Variants in DLGAP3 observed in about 807,000 individuals in gnomAD.
DLGAP3 encodes the protein DLG associated protein 3, also known as disks large-associated protein 3.
A neutral mutation model predicts 81.2 loss-of-function variants in DLGAP3; 17 were observed. The ratio of observed to expected loss-of-function variants is 0.21; its 90% CI spans 0.14 to 0.31. The LOEUF (loss-of-function observed/expected upper bound fraction) is 0.31, where lower values mean the gene tolerates loss of function less well. Among genes scored for constraint, DLGAP3 ranks in the 10% least tolerant of loss-of-function variants. The pLI is 1.00. For missense variants in DLGAP3, 1,124 were observed against 1,388.0 expected (o/e 0.81, Z 3.02); for synonymous variants, 577 against 587.4 (o/e 0.98, Z 0.26).
At position 34,895,652 on chromosome 1, in the gene DLGAP3, T is replaced by A. The variant is rs1440239668; in HGVS notation, c.1386+4017A>T. Among the ~76,000 whole-genome samples the A allele has an allele frequency of 6.6e-6, 1 of 152,124 alleles. No individual in the cohort carries two copies. The highest frequency in any genetic ancestry group is 1.5e-5 in the Non-Finnish European group (1 of 68,020). On this transcript the variant is annotated intron_variant, in intron 5 of 11. Transcript: ENST00000373347. The surrounding 1 kb of genome is among the most constrained non-coding windows in gnomAD (Gnocchi z 4.5). ...CTTTAAAAGGAGTAACAAAATTGTA[T>A]AATTTCAGCTTACCAAAATCAATCC... is the stretch of plus-strand genomic sequence containing the variant.
chr1:34,882,320 C>T (rs1639158270), intron 8 of DLGAP3, among the ~76,000 whole-genome samples: 1 of 151,996 alleles, frequency 6.6e-6, no homozygotes, highest in Admixed American at 6.5e-5. Flanking sequence ...CTACTGAAAA[C>T]ACAAAAAACT....
chr1:34,904,202 C>T lies in DLGAP3; in HGVS notation c.1107+75G>A, dbSNP rs566936205. ...CAGGGACAGCTGGCTCCCACCCAAC[C>T]CTTTCCACTGCTCCCTAGTTGACAA... On this transcript the variant is annotated intron_variant, in intron 3 of 11. Transcript: ENST00000373347. The surrounding 1 kb of genome is among the most constrained non-coding windows in gnomAD (Gnocchi z 8.1). 2 of 1,575,682 alleles carry T rather than the reference C, an allele frequency of 1.3e-6. No homozygotes were observed. The highest frequency in any genetic ancestry group is 2.7e-5 in the African/African-American group (2 of 74,620).
chr1:34,881,148 A>G (rs1639138050), intron 8 of DLGAP3, among the ~76,000 whole-genome samples: 1 of 152,246 alleles, frequency 6.6e-6, no homozygotes, highest in African/African-American at 2.4e-5. Context: ...TGATACATTC[A>G]TAAATCTAAA....
chr1:34,867,236 C>G lies in DLGAP3; in HGVS notation c.2578-45G>C. On this transcript the variant is annotated intron_variant, in intron 10 of 11. Transcript: ENST00000373347. This position sits in a 1 kb window ranked among gnomAD's most constrained non-coding sequence, Gnocchi z 4.3. ...AGGGAAAGTGATTGGTCAAGGAGGT[C>G]TGAGCCCCAGCCAGGACAAGAGAAA... 1 of 1,612,788 alleles carries G rather than the reference C, an allele frequency of 6.2e-7. No homozygotes were observed. Among genetic ancestry groups the G allele is most frequent in the South Asian group, 1.1e-5 (1 of 91,030 alleles).
rs763245559 is a variant in DLGAP3 at position 34,886,140 on chromosome 1, C to T, written c.1532G>A (p.Cys511Tyr). ...HSYLRAIQAG[C>Y]SQDDDCLPLL... ...GGGCAGGCAGTCGTCGTCTTGAGAG[C>T]AGCCGGCCTGGATGGCCCGGAGGTA... The change falls in exon 6 of 12, where the codon TGC becomes TAC. Residue 511 changes from cysteine (C) to tyrosine (Y), a missense_variant. This residue lies in a region of DLGAP3 where 11 missense variants were observed against 35.2 expected (regional missense o/e 0.31). Transcript: ENST00000373347. The T allele has an allele frequency of 6.2e-7, 1 of 1,608,480 alleles. No homozygotes were observed. The highest frequency in any genetic ancestry group is 2.2e-5 in the East Asian group (1 of 44,652).
Position 34,868,824 on chromosome 1 carries a change from G to C in DLGAP3, c.2266C>G (p.Pro756Ala). ...GGGGTGGGGGCGGGGGCAGGGCCGG[G>C]CGACCCATCGGTGGCCGGCGGCTCG... The part of the protein sequence containing the change: ...PYEPPATDGS[P>A]GPAPAPTPGP... The change falls in exon 9 of 12, where the codon CCC (proline) becomes GCC (alanine). Residue 756 changes from proline (P) to alanine (A), a missense_variant. Physicochemically the swap from Pro to Ala is conservative, Grantham distance 27. Transcript: ENST00000373347. This position sits in a 1 kb window ranked among gnomAD's most constrained non-coding sequence, Gnocchi z 7.5. 4 of 1,580,696 alleles carry C rather than the reference G, an allele frequency of 2.5e-6. No homozygotes were observed. Among genetic ancestry groups the C allele is most frequent in the Non-Finnish European group, 3.4e-6 (4 of 1,168,454 alleles).
chr1:34,910,369 C>A (rs566214601), intron 1 of DLGAP3, among the ~76,000 whole-genome samples: 143 of 152,318 alleles, frequency 9.4e-4, no homozygotes, highest in African/African-American at 3.1e-3. Context: ...GTTCTTACCC[C>A]GCTCCAATCC....
rs754338328 is a variant in DLGAP3 at position 34,900,252 on chromosome 1, C to T, written c.1129G>A (p.Gly377Ser). Reference protein sequence around the residue: ...YLQVPQDDWGGYPTGGKDGEI... With the variant: ...YLQVPQDDWGSYPTGGKDGEI... Reference sequence around the variant, plus strand: ...CCATCCTTGCCACCGGTGGGGTAACCCCCCCAGTCATCTTGCGGCACCTGC... The same window carrying T: ...CCATCCTTGCCACCGGTGGGGTAACTCCCCCAGTCATCTTGCGGCACCTGC... Residue 377 changes from glycine (G) to serine (S), a missense_variant, in exon 4 of 12, where the codon GGT becomes AGT. Transcript: ENST00000373347. The surrounding 1 kb of genome is among the most constrained non-coding windows in gnomAD (Gnocchi z 5.6). The T allele has an allele frequency of 6.2e-7, 1 of 1,614,020 alleles. No individual in the cohort carries two copies. Among genetic ancestry groups the T allele is most frequent in the Admixed American group, 1.7e-5 (1 of 60,036 alleles).
intron 8 of DLGAP3, among the ~76,000 whole-genome samples, chr1:34,877,723 T>A (rs1367222519): frequency 6.6e-6 from 1 of 152,236 alleles, no homozygotes; most frequent in East Asian, 1.9e-4. Context: ...AAGTACTGAC[T>A]AATGTTAGAC....
intron 6 of DLGAP3, 130 bp downstream of exon 6, chr1:34,885,942 T>C (rs1639219656): frequency 8.5e-7 from 1 of 1,172,000 alleles, no homozygotes; most frequent in East Asian, 2.6e-5. Flanking sequence ...CAACGGACGC[T>C]CTCCCCGTCA....
At chr1:34,876,011 G>C (rs1016194849) in intron 8 of DLGAP3, among the ~76,000 whole-genome samples, 1 of 152,262 alleles carries the variant, frequency 6.6e-6, no homozygotes, top group African/African-American at 2.4e-5. Flanking sequence ...TCATTAATGA[G>C]ATTCTTAGAT....
At chr1:34,886,384 A>G (rs1639230475) in intron 5 of DLGAP3, 99 bp from the exon 6 acceptor site, 2 of 1,153,018 alleles carry the variant, frequency 1.7e-6, no homozygotes, top group Admixed American at 2.8e-5. Flanking sequence ...CTATATCTGC[A>G]GAGGCTGTAG....
chr1:34,906,034 T>TATATATA (rs1557492434), intron 2 of DLGAP3, among the ~76,000 whole-genome samples: 2 of 39,132 alleles, frequency 5.1e-5, no homozygotes, highest in Non-Finnish European at 1.2e-4. Context: ...ATATATATAT[T>TATATATA]TGTTTGTTTT....
rs931747079 is a variant in DLGAP3, at chr1:34,902,799, A to C, written c.1107+1478T>G. Reference sequence around the variant, plus strand: ...ACTGTGAGGTGCATGTTAAAAAGGAAGCCCCCAGGGAGGTCAGGGCAGCCC... The same window carrying C: ...ACTGTGAGGTGCATGTTAAAAAGGACGCCCCCAGGGAGGTCAGGGCAGCCC... On this transcript the variant is annotated intron_variant, in intron 3 of 11. Transcript: ENST00000373347. This position sits in a 1 kb window ranked among gnomAD's most constrained non-coding sequence, Gnocchi z 4.4. Among the ~76,000 whole-genome samples, 3 of 152,098 alleles carry C rather than the reference A, an allele frequency of 2.0e-5. No individual in the cohort carries two copies. The highest frequency in any genetic ancestry group is 4.4e-5 in the Non-Finnish European group (3 of 67,996).
rs1357261952 is a variant in DLGAP3, at chr1:34,868,226, C to T, written c.2485+379G>A. 6.6e-6 allele frequency among the ~76,000 whole-genome samples: 1 copy of T among 152,142 alleles called. No individual in the cohort carries two copies. The highest frequency in any genetic ancestry group is 1.9e-4 in the East Asian group (1 of 5,190). ...AGACAGGATCTGACATTGTGAACTG[C>T]CTCCCTCTCTGTAATCTTGGTCGCA... is the stretch of plus-strand genomic sequence containing the variant. On this transcript the variant is annotated intron_variant, in intron 9 of 11. Transcript: ENST00000373347. This position sits in a 1 kb window ranked among gnomAD's most constrained non-coding sequence, Gnocchi z 7.5.
At chr1:34,890,965 T>C (rs1265923322) in intron 5 of DLGAP3, among the ~76,000 whole-genome samples, 1 of 152,218 alleles carries the variant, frequency 6.6e-6, no homozygotes, top group Admixed American at 6.5e-5. Context: ...GAATTCAAGA[T>C]TTCTCTGTTA....
Position 34,873,396 on chromosome 1 carries a change from C to T in DLGAP3, c.2001-4307G>A, listed in dbSNP as rs368424806. 5.1e-4 allele frequency among the ~76,000 whole-genome samples: 78 copies of T among 152,212 alleles called. 1 individual carries two copies. In the South Asian group the frequency reaches 0.015, roughly 28 times the overall value. On this transcript the variant is annotated intron_variant, in intron 8 of 11. Coordinates refer to ENST00000373347, the MANE Select transcript of DLGAP3 (RefSeq NM_001080418.3). This position sits in a 1 kb window ranked among gnomAD's most constrained non-coding sequence, Gnocchi z 4.2. ...GGGCAGCGGAACAGAGCGGTTAGGC[C>T]CGTGTGCTCTGGAGCCTTGCCCGGG...
intron 8 of DLGAP3, among the ~76,000 whole-genome samples, chr1:34,872,629 T>G (rs1171501992): frequency 6.6e-6 from 1 of 152,070 alleles, no homozygotes; most frequent in African/African-American, 2.4e-5. Context: ...AAGAGGAGAC[T>G]CTCCTGGATT....
chr1:34,866,397 G>C, intron 11 of DLGAP3, 96 bp from the exon 12 acceptor site: 1 of 1,039,072 alleles, frequency 9.6e-7, no homozygotes, highest in Non-Finnish European at 1.3e-6. Flanking sequence ...GCTGACGACC[G>C]CGTGGCTCCG....
Sources: gnomAD v4.1 joint callset for allele counts (sites outside exome capture counted in the v4.1 genomes callset) on GRCh38, gnomAD v4.1.1 for gene constraint, gnomAD v4.1.1 regional missense constraint, Gnocchi (gnomAD v3.1) non-coding constraint, MANE v1.5 for transcripts, NCBI Gene and HGNC (gene_info 2026-07-23, HGNC 2026-07-21) for gene names.